LAMA2: variants seen among roughly 807,000 people sequenced by gnomAD.
LAMA2 encodes laminin subunit alpha-2.
LAMA2 carries 269 observed loss-of-function variants against 364.8 expected under a neutral mutation model. That is an observed-to-expected ratio of 0.74 (90% CI 0.67 to 0.82). The LOEUF is 0.82. Ranked by LOEUF, LAMA2 falls within the 40% of genes least tolerant of loss-of-function variation. The probability of loss-of-function intolerance (pLI) is 0.00; values close to 1 mark genes in which losing one functional copy is unlikely to be tolerated. For missense variants in LAMA2, 3,807 were observed against 3,873.2 expected (o/e 0.98, Z 0.45); for synonymous variants, 1,379 against 1,370.6 (o/e 1.01, Z -0.14).
intron 10 of LAMA2, among the ~76,000 whole-genome samples, chr6:129,181,718 G>T (rs1780939267): frequency 6.6e-6 from 1 of 151,782 alleles, no homozygotes. Flanking sequence ...TTGTAAAATT[G>T]AACAGAAGTT....
At chr6:129,037,911 T>C (rs745951880) in intron 1 of LAMA2, among the ~76,000 whole-genome samples, 3 of 152,156 alleles carry the variant, frequency 2.0e-5, no homozygotes, top group East Asian at 1.9e-4. Context: ...CCTCGTGATC[T>C]GCCCACCTTG....
chr6:129,223,609 C>G (rs1452614086), intron 12 of LAMA2, among the ~76,000 whole-genome samples: 1 of 152,122 alleles, frequency 6.6e-6, no homozygotes, highest in Non-Finnish European at 1.5e-5. Context: ...AATCCATTCC[C>G]CATTGCTTGT....
At chr6:129,255,405 C>CAAAAAAAAAAAA (rs5879934) in intron 14 of LAMA2, among the ~76,000 whole-genome samples, 1 of 33,814 alleles carries the variant, frequency 3.0e-5, no homozygotes, top group African/African-American at 1.0e-4. Flanking sequence ...GACTCTGTCT[C>CAAAAAAAAAAAA]AAAAAAAAAA....
At chr6:129,288,446 T>C (rs3778112) in intron 19 of LAMA2, among the ~76,000 whole-genome samples, 40,441 of 152,014 alleles carry the variant, frequency 0.27, 5,658 homozygotes, top group East Asian at 0.45. Context: ...GCCCATGATA[T>C]TTCAGTAGTA....
At chr6:129,243,951 GATAGGAAGGAAAAAA>G (rs1191903097) in intron 12 of LAMA2, among the ~76,000 whole-genome samples, 1 of 150,044 alleles carries the variant, frequency 6.7e-6, no homozygotes, top group Middle Eastern at 3.2e-3. Flanking sequence ...AGGAAAAGCA[GATAGGAAGGAAAAAA>G]AAGGTGGAAG....
chr6:129,225,127 G>A (rs1397987453), intron 12 of LAMA2, among the ~76,000 whole-genome samples: 1 of 152,152 alleles, frequency 6.6e-6, no homozygotes, highest in Non-Finnish European at 1.5e-5. Context: ...GCATAGAGGT[G>A]TTTATAGTAT....
At chr6:129,339,475 C>G (rs1776136818) in intron 29 of LAMA2, among the ~76,000 whole-genome samples, 1 of 152,122 alleles carries the variant, frequency 6.6e-6, no homozygotes, top group Non-Finnish European at 1.5e-5. Context: ...AAGTCTGGAA[C>G]CCATTAGAGA....
At chr6:128,917,820 A>C (rs1328836183) in intron 1 of LAMA2, among the ~76,000 whole-genome samples, 1 of 139,358 alleles carries the variant, frequency 7.2e-6, no homozygotes, top group East Asian at 2.1e-4. Context: ...TGTGCCCTTG[A>C]CATCTCAGTT....
At chr6:128,903,306 G>A (rs1777201786) in intron 1 of LAMA2, among the ~76,000 whole-genome samples, 1 of 152,138 alleles carries the variant, frequency 6.6e-6, no homozygotes, top group Non-Finnish European at 1.5e-5. Context: ...TCCACAATAA[G>A]TGGGTTCCAG....
chr6:129,006,828 A>AT (rs1425380750), intron 1 of LAMA2, among the ~76,000 whole-genome samples: 1 of 152,052 alleles, frequency 6.6e-6, no homozygotes, highest in African/African-American at 2.4e-5. Context: ...TCTCACTGAC[A>AT]TTTTATGCTC....
At chr6:129,232,006 T>C (rs370055114) in intron 12 of LAMA2, among the ~76,000 whole-genome samples, 10 of 152,128 alleles carry the variant, frequency 6.6e-5, no homozygotes, top group Non-Finnish European at 1.5e-4. Flanking sequence ...AAAGTAATGT[T>C]GATACAGTAG....
rs891926523 is a variant in LAMA2, at chr6:129,265,359, T to C, written c.2209-1747T>C. Among the ~76,000 whole-genome samples the C allele has an allele frequency of 4.6e-5, 7 of 152,276 alleles. No homozygotes were observed. In the East Asian group the frequency reaches 1.4e-3, roughly 29 times the overall value. ...TTGAAGAAAGAAGACGTGGTATGAG[T>C]ACTGCATTTGCAGAGTATTAAAACA... On this transcript the variant is annotated intron_variant, in intron 15 of 64. Transcript: ENST00000421865.
rs1380376723 is a variant in LAMA2, at chr6:129,464,278, CTCTCT to C, written c.6993-7_6993-3del. On this transcript the variant is annotated splice_region_variant and splice_polypyrimidine_tract_variant and intron_variant, in intron 49 of 64. Transcript: ENST00000421865. ...ATATGATCTGATTCATGTGAAATGT[CTCTCT>C]TCTCAGTCCTCAGGTGGAAGATAGT... 3 of 1,607,462 alleles carry C rather than the reference CTCTCT, an allele frequency of 1.9e-6. No homozygotes were observed. In the African/African-American group the frequency reaches 4.0e-5, roughly 22 times the overall value.
At chr6:129,154,725 T>C in intron 8 of LAMA2, 42 bp downstream of exon 8, 1 of 1,498,644 alleles carries the variant, frequency 6.7e-7, no homozygotes, top group South Asian at 1.1e-5. Flanking sequence ...ATTTTTTTGC[T>C]TTTTCATACA....
intron 48 of LAMA2, among the ~76,000 whole-genome samples, chr6:129,459,918 C>T (rs1365557222): frequency 1.3e-5 from 2 of 151,940 alleles, no homozygotes; most frequent in Admixed American, 6.6e-5. Flanking sequence ...AAGTTAGAAG[C>T]TAGGAAGTGT....
At chr6:129,245,791 C>G (rs1785709031) in intron 12 of LAMA2, among the ~76,000 whole-genome samples, 1 of 152,028 alleles carries the variant, frequency 6.6e-6, no homozygotes, top group Non-Finnish European at 1.5e-5. Flanking sequence ...GCTAAACAAA[C>G]AAAGAAAATA....
chr6:129,412,574 GAAAC>G (rs1583688961), intron 40 of LAMA2, among the ~76,000 whole-genome samples: 2 of 151,992 alleles, frequency 1.3e-5, no homozygotes, highest in Non-Finnish European at 2.9e-5. Flanking sequence ...GAGAAAAAGA[GAAAC>G]AAATCATAAA....
At chr6:129,351,786 A>G (rs1562485237) in intron 31 of LAMA2, among the ~76,000 whole-genome samples, 1 of 152,200 alleles carries the variant, frequency 6.6e-6, no homozygotes, top group Non-Finnish European at 1.5e-5. Context: ...TTTACCTATA[A>G]ATGTTAAGAA....
intron 12 of LAMA2, among the ~76,000 whole-genome samples, chr6:129,211,048 G>A (rs2115072372): frequency 6.6e-6 from 1 of 152,302 alleles, no homozygotes; most frequent in South Asian, 2.1e-4. Context: ...GGGAAAACAT[G>A]ATACAAACAG....
Sources: allele counts gnomAD v4.1 joint callset (sites outside exome capture counted in the v4.1 genomes callset), GRCh38; gene constraint gnomAD v4.1.1; transcripts MANE v1.5; gene names NCBI Gene and HGNC (gene_info 2026-07-23, HGNC 2026-07-21).